Variants in DYNC1I2 observed in about 807,000 individuals in gnomAD.
DYNC1I2 encodes the protein cytoplasmic dynein 1 intermediate chain 2.
Under a neutral mutation model 88.6 loss-of-function variants are expected in DYNC1I2, and 53 were observed. The observed-to-expected ratio is 0.60, with a 90% CI of 0.48 to 0.75. The LOEUF (loss-of-function observed/expected upper bound fraction) is 0.75. Ranked by LOEUF, DYNC1I2 falls within the 30% of genes least tolerant of loss-of-function variation. The pLI is 0.00. For missense variants in DYNC1I2, 458 were observed against 766.6 expected, an observed-to-expected ratio of 0.60 and a Z score of 4.75; for synonymous variants, 198 against 254.6, an observed-to-expected ratio of 0.78 and a Z score of 2.12.
chr2:171,722,605 TA>T (rs1249066837), intron 7 of DYNC1I2, among the ~76,000 whole-genome samples: 1 of 152,184 alleles, frequency 6.6e-6, no homozygotes, highest in East Asian at 1.9e-4. Context: ...TTGGCCACGT[TA>T]ATAGTCCTTT....
chr2:171,745,830 G>A lies in DYNC1I2; in HGVS notation c.1706G>A (p.Gly569Asp). 1 of 1,613,756 alleles carries A rather than the reference G, an allele frequency of 6.2e-7. No individual in the cohort carries two copies. Among genetic ancestry groups the A allele is most frequent in the Non-Finnish European group, 8.5e-7 (1 of 1,179,734 alleles). Reference protein sequence around the residue: ...EVPTASISVEGNPALNRVRWT... With the variant: ...EVPTASISVEDNPALNRVRWT... ...CCAACTGCCAGCATTTCTGTGGAGGGTAATCCTGCTCTTAATCGTGTGAGA... is the reference window on the plus strand; with the variant it reads ...CCAACTGCCAGCATTTCTGTGGAGGATAATCCTGCTCTTAATCGTGTGAGA... Residue 569 changes from glycine (G) to aspartate (D), a missense_variant, in exon 17 of 18, where the codon GGT becomes GAT. Coordinates refer to ENST00000397119, the MANE Select transcript of DYNC1I2 (RefSeq NM_001378.3).
intron 15 of DYNC1I2, among the ~76,000 whole-genome samples, chr2:171,742,730 A>G (rs981625953): frequency 2.6e-5 from 4 of 152,180 alleles, no homozygotes; most frequent in East Asian, 1.9e-4. Context: ...GTGAGAATAC[A>G]TGTACCTTGT....
rs61079902 is a variant in DYNC1I2 at position 171,733,459 on chromosome 2, C to CTTTTTTTTTTTTTTTTTTTTTT, written c.1536+3615_1536+3636dup. Among the ~76,000 whole-genome samples the CTTTTTTTTTTTTTTTTTTTTTT allele has an allele frequency of 7.2e-5, 4 of 55,802 alleles. 1 individual carries two copies. Among genetic ancestry groups the CTTTTTTTTTTTTTTTTTTTTTT allele is most frequent in the Non-Finnish European group, 9.5e-5 (3 of 31,496 alleles). The allele number at this position is 55,802 out of a possible 152,430, so 36.6% of individuals were successfully genotyped here. ...TTTTTCTCCACAACCTTGCCAGCATCTTTTTTTTTTTTTTTTTTTTTTTTT... is the reference window on the plus strand; with the variant it reads ...TTTTTCTCCACAACCTTGCCAGCATCTTTTTTTTTTTTTTTTTTTTTTTTTTTTTTTTTTTTTTTTTTTTTTT... On this transcript the variant is annotated intron_variant, in intron 15 of 17. Coordinates refer to ENST00000397119, the MANE Select transcript of DYNC1I2 (RefSeq NM_001378.3).
Position 171,692,788 on chromosome 2 carries a change from G to A in DYNC1I2, c.120G>A (p.Lys40=). Residue 40 remains lysine (K), a synonymous_variant, in exon 3 of 18, where the codon AAG becomes AAA. Transcript: ENST00000397119. ...CCTAAACATTTTAGACAGACCAGAA[G>A]AAGGAAGCTGTTGCTCCTGTGCAAG... ...EERKKKETDQ[K]KEAVAPVQEE... 1.9e-6 allele frequency: 3 copies of A among 1,603,384 alleles called. No homozygotes were observed. Among genetic ancestry groups the A allele is most frequent in the Non-Finnish European group, 2.6e-6 (3 of 1,175,424 alleles).
intron 15 of DYNC1I2, among the ~76,000 whole-genome samples, chr2:171,732,716 A>G (rs1284181290): frequency 6.6e-6 from 1 of 152,158 alleles, no homozygotes; most frequent in Non-Finnish European, 1.5e-5. Context: ...GAAGCCAACT[A>G]TTTCTCCAAA....
chr2:171,744,605 A>AG (rs1689661837), intron 16 of DYNC1I2, among the ~76,000 whole-genome samples: 1 of 152,216 alleles, frequency 6.6e-6, no homozygotes, highest in Non-Finnish European at 1.5e-5. Flanking sequence ...CATTAATCTT[A>AG]GCCTGATTTG....
chr2:171,693,338 C>T (rs925984213), intron 3 of DYNC1I2, among the ~76,000 whole-genome samples: 2 of 152,104 alleles, frequency 1.3e-5, no homozygotes, highest in African/African-American at 4.8e-5. Flanking sequence ...AGCTTATAGC[C>T]TTCTGCTGTT....
Position 171,749,031 on chromosome 2 carries a change from CTT to C in DYNC1I2, c.*1145_*1146del, listed in dbSNP as rs1322673536. On this transcript the variant is annotated 3_prime_UTR_variant, in exon 18 of 18. Coordinates refer to ENST00000397119, the MANE Select transcript of DYNC1I2 (RefSeq NM_001378.3). ...TTTTGTACTTCTGAAGTGTAACTGT[CTT>C]TTATTCAACAGAACATGAACTAGGA... is the stretch of plus-strand genomic sequence containing the variant. Among the ~76,000 whole-genome samples the C allele has an allele frequency of 1.5e-5, 2 of 131,860 alleles. No individual in the cohort carries two copies. Among genetic ancestry groups the C allele is most frequent in the East Asian group, 8.6e-4 (1 of 1,160 alleles). The allele number at this position is 131,860 out of a possible 152,430, so 86.5% of individuals were successfully genotyped here. A position where few individuals can be genotyped will look rare whatever the true frequency, so the allele number is the denominator to read the frequency against.
chr2:171,699,591 A>AGTGT (rs3223500), intron 3 of DYNC1I2, among the ~76,000 whole-genome samples: 14,172 of 137,666 alleles, frequency 0.1, 826 homozygotes, highest in African/African-American at 0.17. Context: ...CATCATTTGG[A>AGTGT]GTGTGTGTGT....
chr2:171,706,911 A>G, intron 4 of DYNC1I2: 2 of 407,416 alleles, frequency 4.9e-6, no homozygotes, highest in Non-Finnish European at 8.7e-6. Flanking sequence ...TGTAAATAAT[A>G]TTTATAATCT....
intron 15 of DYNC1I2, among the ~76,000 whole-genome samples, chr2:171,736,804 C>T (rs1689040339): frequency 6.6e-6 from 1 of 152,070 alleles, no homozygotes; most frequent in Admixed American, 6.6e-5. Context: ...GAAGAGAATT[C>T]ATTTATTTCT....
chr2:171,723,081 G>A (rs1475335048), intron 7 of DYNC1I2, among the ~76,000 whole-genome samples: 1 of 152,162 alleles, frequency 6.6e-6, no homozygotes, highest in Non-Finnish European at 1.5e-5. Context: ...GGAAAAGAGT[G>A]TCTATAAACA....
intron 15 of DYNC1I2, among the ~76,000 whole-genome samples, chr2:171,734,385 A>G (rs886072625): frequency 1.3e-5 from 2 of 152,090 alleles, no homozygotes; most frequent in African/African-American, 4.8e-5. Flanking sequence ...GGCGGTTGAT[A>G]TTTTTATTCT....
intron 7 of DYNC1I2, among the ~76,000 whole-genome samples, chr2:171,716,867 C>T (rs1292289100): frequency 6.6e-6 from 1 of 150,634 alleles, no homozygotes; most frequent in African/African-American, 2.4e-5. Context: ...AATTGCGCCA[C>T]TGCACTCCAG....
chr2:171,733,713 T>C (rs1441353674), intron 15 of DYNC1I2, among the ~76,000 whole-genome samples: 9 of 151,778 alleles, frequency 5.9e-5, no homozygotes, highest in Admixed American at 2.0e-4. Flanking sequence ...TTTTCTCCCT[T>C]TCTGTAAGTT....
intron 7 of DYNC1I2, among the ~76,000 whole-genome samples, chr2:171,720,779 T>G (rs575874076): frequency 6.6e-6 from 1 of 152,210 alleles, no homozygotes; most frequent in South Asian, 2.1e-4. Context: ...TTGGAATGAA[T>G]AACACATTTA....
At chr2:171,742,086 T>G (rs1689477661) in intron 15 of DYNC1I2, among the ~76,000 whole-genome samples, 1 of 151,196 alleles carries the variant, frequency 6.6e-6, no homozygotes, top group Admixed American at 6.6e-5. Context: ...AAAAAAAAAG[T>G]TTCATAGTTT....
At chr2:171,706,663 AT>A (rs1686701051) in intron 4 of DYNC1I2, 99 bp downstream of exon 4, 12 of 1,097,894 alleles carry the variant, frequency 1.1e-5, no homozygotes, top group South Asian at 6.9e-5. Context: ...GCCTGTTTGC[AT>A]TTTTCACCCA....
Position 171,747,870 on chromosome 2 carries a change from C to T in DYNC1I2, c.1898C>T (p.Ala633Val). Residue 633 changes from alanine to valine, a missense_variant, in exon 18 of 18, where the codon GCT becomes GTT. Ala to Val is a moderately conservative substitution (Grantham distance 64). Around this residue, in one of 5 missense-constraint regions of DYNC1I2, gnomAD observed 188 missense variants for 300.4 expected, o/e 0.63. Coordinates refer to ENST00000397119, the MANE Select transcript of DYNC1I2 (RefSeq NM_001378.3). ...CGAGCTGATGCAGAGGAGGAAGCAG[C>T]TACCCGAATACCTGCTTAGTTCCTG... ...ANRADAEEEA[A>V]TRIPA 1.2e-6 allele frequency: 2 copies of T among 1,610,126 alleles called. No individual in the cohort carries two copies. The highest frequency in any genetic ancestry group is 1.7e-6 in the Non-Finnish European group (2 of 1,178,592).
Sources: gnomAD v4.1 joint callset for allele counts (sites outside exome capture counted in the v4.1 genomes callset) on GRCh38, gnomAD v4.1.1 for gene constraint, gnomAD v4.1.1 regional missense constraint, MANE v1.5 for transcripts, NCBI Gene and HGNC (gene_info 2026-07-23, HGNC 2026-07-21) for gene names.